CDC40: variants seen among roughly 807,000 people sequenced by gnomAD.
CDC40 encodes the protein pre-mRNA-processing factor 17.
Under a neutral mutation model 80.6 loss-of-function variants are expected in CDC40, and 27 were observed. The observed-to-expected ratio is 0.33, with a 90% CI of 0.25 to 0.46. The LOEUF is 0.46. Among genes scored for constraint, CDC40 ranks in the 20% least tolerant of loss-of-function variants. The pLI is 1.00. For missense variants in CDC40, 486 were observed against 694.1 expected, an observed-to-expected ratio of 0.70 and a Z score of 3.37; for synonymous variants, 221 against 232.6, an observed-to-expected ratio of 0.95 and a Z score of 0.45.
chr6:110,190,460 G>T (rs1777332285), intron 1 of CDC40, among the ~76,000 whole-genome samples: 1 of 152,170 alleles, frequency 6.6e-6, no homozygotes, highest in Non-Finnish European at 1.5e-5. Context: ...GAGGGTAGAA[G>T]TGAGATTACT....
At chr6:110,205,674 TCCTTCAC>T (rs1393812816) in intron 3 of CDC40, among the ~76,000 whole-genome samples, 2 of 152,208 alleles carry the variant, frequency 1.3e-5, no homozygotes, top group African/African-American at 4.8e-5. Flanking sequence ...CTCTGTCTAC[TCCTTCAC>T]CCTTCCAGAC....
At chr6:110,210,672 C>A in intron 5 of CDC40, 35 bp from the exon 6 acceptor site, 2 of 1,226,268 alleles carry the variant, frequency 1.6e-6, no homozygotes, top group South Asian at 3.2e-5. Context: ...GGTTCTAGAA[C>A]ATTCATTTTA....
At chr6:110,229,048 C>G in intron 14 of CDC40, 72 bp downstream of exon 14, 1 of 1,129,336 alleles carries the variant, frequency 8.9e-7, no homozygotes, top group South Asian at 1.5e-5. Flanking sequence ...ACAAATAACA[C>G]TTGACACATC....
At chr6:110,216,104 G>A (rs1410626698) in intron 9 of CDC40, among the ~76,000 whole-genome samples, 2 of 152,112 alleles carry the variant, frequency 1.3e-5, no homozygotes, top group Non-Finnish European at 2.9e-5. Context: ...ATAGCCAGAG[G>A]TCGAGCTTTG....
intron 3 of CDC40, among the ~76,000 whole-genome samples, chr6:110,206,888 T>G (rs1359354023): frequency 6.6e-6 from 1 of 152,244 alleles, no homozygotes; most frequent in Non-Finnish European, 1.5e-5. Flanking sequence ...AAGTTTGATG[T>G]GTTGGCCAGA....
chr6:110,221,758 A>C lies in CDC40; in HGVS notation c.1340+1889A>C, dbSNP rs77802978. Among the ~76,000 whole-genome samples the C allele has an allele frequency of 5.3e-3, 803 of 152,338 alleles. 10 individuals carry two copies. The highest frequency in any genetic ancestry group is 0.018 in the African/African-American group (739 of 41,576). On this transcript the variant is annotated intron_variant, in intron 12 of 14. Coordinates refer to ENST00000307731, the MANE Select transcript of CDC40 (RefSeq NM_015891.3). ...AAAAGAAGTTGGTAAATATTTAAAT[A>C]ATTGAGCAATTACAGGGCTTAAGGA...
intron 3 of CDC40, among the ~76,000 whole-genome samples, chr6:110,203,226 GTTTTTTC>G (rs1339291708): frequency 6.6e-6 from 1 of 152,072 alleles, no homozygotes; most frequent in Non-Finnish European, 1.5e-5. Context: ...AACACTGTCT[GTTTTTTC>G]TTTGCCCCCA....
In CDC40 at chr6:110,228,819, A is replaced by T; in HGVS notation, c.1418-13A>T. The T allele has an allele frequency of 6.4e-7, 1 of 1,563,856 alleles. No individual in the cohort carries two copies. The highest frequency in any genetic ancestry group is 8.6e-7 in the Non-Finnish European group (1 of 1,164,004). On this transcript the variant is annotated splice_polypyrimidine_tract_variant and intron_variant, in intron 13 of 14. Coordinates refer to ENST00000307731, the MANE Select transcript of CDC40 (RefSeq NM_015891.3). ...AGTCTTCCTCTAAAATACCTCATTT[A>T]TTGAATTTACAGGAAAATGGCTAGC... is the stretch of plus-strand genomic sequence containing the variant.
At chr6:110,186,444 A>C (rs1189477951) in intron 1 of CDC40, among the ~76,000 whole-genome samples, 1 of 152,122 alleles carries the variant, frequency 6.6e-6, no homozygotes, top group Non-Finnish European at 1.5e-5. Context: ...GAATCACGCC[A>C]CTGCACTCCA....
chr6:110,197,916 G>A (rs565472451), intron 2 of CDC40, among the ~76,000 whole-genome samples: 1 of 152,204 alleles, frequency 6.6e-6, no homozygotes, highest in Non-Finnish European at 1.5e-5. Context: ...ATACCCACTT[G>A]TAAAATTGCT....
chr6:110,220,088 G>T (rs943454958), intron 12 of CDC40, among the ~76,000 whole-genome samples: 1 of 152,092 alleles, frequency 6.6e-6, no homozygotes, highest in Non-Finnish European at 1.5e-5. Context: ...CTTTCCAAAG[G>T]ATGTGTATCT....
At chr6:110,193,760 C>T (rs1777383389) in intron 2 of CDC40, among the ~76,000 whole-genome samples, 2 of 152,162 alleles carry the variant, frequency 1.3e-5, no homozygotes, top group Non-Finnish European at 2.9e-5. Flanking sequence ...TGTGAAAATA[C>T]TTTTAAAAAT....
intron 3 of CDC40, among the ~76,000 whole-genome samples, chr6:110,206,998 A>G (rs972397244): frequency 2.6e-5 from 4 of 152,154 alleles, no homozygotes; most frequent in African/African-American, 9.6e-5. Flanking sequence ...ATAGAAAAAT[A>G]TAGCTTTGGG....
rs746082134 is a variant in CDC40, at chr6:110,207,503, C to T, written c.407-3C>T. 4 of 1,542,084 alleles carry T rather than the reference C, an allele frequency of 2.6e-6. No individual in the cohort carries two copies. The South Asian group carries it at 3.5e-5, about 13-fold the overall frequency. ...TTAATAATTTTCACTTTTTTGCTTT[C>T]AGGTTATGCATTAGACCCTTCATTA... On this transcript the variant is annotated splice_region_variant and splice_polypyrimidine_tract_variant and intron_variant, in intron 3 of 14. Transcript: ENST00000307731.
At chr6:110,198,664 A>G (rs1038131598) in intron 2 of CDC40, among the ~76,000 whole-genome samples, 2 of 152,178 alleles carry the variant, frequency 1.3e-5, no homozygotes, top group South Asian at 4.1e-4. Context: ...ATGTAAGGAG[A>G]TTGCAATTAT....
intron 4 of CDC40, among the ~76,000 whole-genome samples, chr6:110,207,963 T>C (rs1184782269): frequency 1.3e-5 from 2 of 152,246 alleles, no homozygotes; most frequent in African/African-American, 2.4e-5. Context: ...AGAAATACTT[T>C]ATTTGGTAAG....
At chr6:110,192,395 A>C (rs905124210) in intron 1 of CDC40, among the ~76,000 whole-genome samples, 1 of 152,230 alleles carries the variant, frequency 6.6e-6, no homozygotes, top group African/African-American at 2.4e-5. Context: ...TGCCTGAGCA[A>C]CTGTAAGGGT....
chr6:110,196,915 A>G (rs892905073), intron 2 of CDC40, among the ~76,000 whole-genome samples: 2 of 152,216 alleles, frequency 1.3e-5, no homozygotes, highest in Non-Finnish European at 2.9e-5. Flanking sequence ...AATATGAATG[A>G]AAAATGTACC....
intron 3 of CDC40, among the ~76,000 whole-genome samples, chr6:110,203,614 A>G (rs1469481615): frequency 2.0e-5 from 3 of 152,184 alleles, no homozygotes; most frequent in African/African-American, 7.2e-5. Context: ...AGATTGTTAT[A>G]ATCTCAGTGA....
Sources: gnomAD v4.1 joint callset for allele counts (sites outside exome capture counted in the v4.1 genomes callset) on GRCh38, gnomAD v4.1.1 for gene constraint, MANE v1.5 for transcripts, NCBI Gene and HGNC (gene_info 2026-07-23, HGNC 2026-07-21) for gene names.